The following UBE3D variants were observed in gnomAD, a reference collection of about 807,000 sequenced individuals.
UBE3D encodes the protein E3 ubiquitin-protein ligase E3D.
Under a neutral mutation model 49.6 loss-of-function variants are expected in UBE3D, and 48 were observed. The ratio of observed to expected loss-of-function variants is 0.97; its 90% CI spans 0.77 to 1.23. The LOEUF is 1.23. Among genes scored for constraint, UBE3D ranks in the 50% most tolerant of loss-of-function variants. The pLI is 0.00. For synonymous variants in UBE3D, 189 were observed against 174.2 expected (o/e 1.08, Z -0.67); for missense variants, 452 against 468.4 (o/e 0.96, Z 0.32).
intron 8 of UBE3D, among the ~76,000 whole-genome samples, chr6:82,979,002 T>C (rs1156698794): frequency 6.6e-6 from 1 of 152,078 alleles, no homozygotes; most frequent in Non-Finnish European, 1.5e-5. Flanking sequence ...ACATACATAG[T>C]GGGTAATGTT....
At chr6:83,025,882 TAAAAAAAA>T (rs70987730) in intron 5 of UBE3D, among the ~76,000 whole-genome samples, 20 of 90,320 alleles carry the variant, frequency 2.2e-4, no homozygotes, top group Non-Finnish European at 2.7e-4. Flanking sequence ...GACTCCATCT[TAAAAAAAA>T]AAAAAAAAAA....
intron 9 of UBE3D, among the ~76,000 whole-genome samples, chr6:82,894,565 C>A (rs1771173549): frequency 6.6e-6 from 1 of 152,138 alleles, no homozygotes; most frequent in Admixed American, 6.5e-5. Flanking sequence ...ATAAAACCTG[C>A]ATTTCTGTAG....
intron 8 of UBE3D, among the ~76,000 whole-genome samples, chr6:82,985,620 A>T (rs1582551973): frequency 2.6e-5 from 4 of 152,114 alleles, no homozygotes; most frequent in Admixed American, 2.6e-4. Context: ...CCTCGGCCTC[A>T]CAAAGTGCTG....
At chr6:82,966,904 T>G (rs146695347) in intron 8 of UBE3D, among the ~76,000 whole-genome samples, 2 of 152,308 alleles carry the variant, frequency 1.3e-5, no homozygotes, top group African/African-American at 4.8e-5. Flanking sequence ...ATATTATGGT[T>G]GCTATTGTAA....
At chr6:83,043,010 CT>C (rs1259794673) in intron 4 of UBE3D, among the ~76,000 whole-genome samples, 1 of 152,202 alleles carries the variant, frequency 6.6e-6, no homozygotes, top group Non-Finnish European at 1.5e-5. Context: ...AGCATCTTGT[CT>C]TGATAGTACA....
intron 5 of UBE3D, chr6:83,032,141 A>C (rs1781921076): frequency 2.2e-6 from 1 of 454,258 alleles, no homozygotes; most frequent in Non-Finnish European, 4.4e-6. Flanking sequence ...ACAATCCTCC[A>C]GACCCCAGAA....
intron 9 of UBE3D, among the ~76,000 whole-genome samples, chr6:82,933,892 T>C (rs2770678): frequency 1.3e-5 from 2 of 151,730 alleles, no homozygotes; most frequent in African/African-American, 4.8e-5. Flanking sequence ...TAAAGCCACG[T>C]GAGTGCCTAG....
chr6:83,016,940 G>A (rs1780740154), intron 8 of UBE3D, among the ~76,000 whole-genome samples: 1 of 152,116 alleles, frequency 6.6e-6, no homozygotes, highest in South Asian at 2.1e-4. Flanking sequence ...CAGCCATGCT[G>A]GCAGCTGATT....
intron 9 of UBE3D, among the ~76,000 whole-genome samples, chr6:82,950,773 T>C (rs1482467540): frequency 1.3e-5 from 2 of 152,154 alleles, no homozygotes; most frequent in Admixed American, 6.5e-5. Context: ...TTGTCAGCCA[T>C]AAAACTCAAT....
chr6:82,936,957 A>C (rs1393219003), intron 9 of UBE3D, among the ~76,000 whole-genome samples: 1 of 152,246 alleles, frequency 6.6e-6, no homozygotes, highest in Non-Finnish European at 1.5e-5. Context: ...ACTTAGGTCC[A>C]GTCACGCTGG....
rs138331760 is a variant in UBE3D, at chr6:82,961,272, G to A, written c.1011-3822C>T. Among the ~76,000 whole-genome samples the A allele has an allele frequency of 3.3e-5, 5 of 152,214 alleles. No individual in the cohort carries two copies. The East Asian group carries it at 7.7e-4, about 23-fold the overall frequency. On this transcript the variant is annotated intron_variant, in intron 8 of 9. Transcript: ENST00000369747. ...AGTTAATTATGGCTATAACATGGTC[G>A]CCTTTAATTTTTACAAAATTACTTC...
At chr6:82,931,047 G>T (rs890493374) in intron 9 of UBE3D, among the ~76,000 whole-genome samples, 1 of 152,166 alleles carries the variant, frequency 6.6e-6, no homozygotes, top group Non-Finnish European at 1.5e-5. Flanking sequence ...CTAGGGATTT[G>T]GTGCCCCGCA....
rs1030399094 is a variant in UBE3D at position 83,065,299 on chromosome 6, G to A, written c.77+343C>T. ...TTTTTTGCATTGTTTTGTTGGAAAC[G>A]CCGGGCACTGCCAACAGTGTTTTAC... On this transcript the variant is annotated intron_variant, in intron 1 of 9. Coordinates refer to ENST00000369747, the MANE Select transcript of UBE3D (RefSeq NM_198920.3). Among the ~76,000 whole-genome samples the A allele has an allele frequency of 2.0e-5, 3 of 152,328 alleles. No individual in the cohort carries two copies. The East Asian group carries it at 5.8e-4, about 29-fold the overall frequency.
chr6:83,039,395 T>G (rs890414929), intron 4 of UBE3D, among the ~76,000 whole-genome samples: 1 of 152,240 alleles, frequency 6.6e-6, no homozygotes. Flanking sequence ...TTAATATACA[T>G]TTAAGTATTT....
At chr6:82,885,899 A>G in the UBE3D span, among the ~76,000 whole-genome samples, 1 of 152,080 alleles carries the variant, frequency 6.6e-6, no homozygotes, top group South Asian at 2.1e-4. Context: ...AATCTTAATA[A>G]TCACTTAAGG....
intron 9 of UBE3D, among the ~76,000 whole-genome samples, chr6:82,898,687 G>A (rs529695575): frequency 2.4e-4 from 36 of 152,120 alleles, no homozygotes; most frequent in Admixed American, 1.4e-3. Context: ...GGGGGTAGGG[G>A]GCTAGGGGAG....
At chr6:82,901,945 TA>T (rs1771766834) in intron 9 of UBE3D, among the ~76,000 whole-genome samples, 1 of 152,194 alleles carries the variant, frequency 6.6e-6, no homozygotes, top group African/African-American at 2.4e-5. Context: ...TGTTAAAAGT[TA>T]AGTGAATGAA....
At chr6:82,951,949 G>A (rs1355759249) in intron 9 of UBE3D, among the ~76,000 whole-genome samples, 2 of 152,124 alleles carry the variant, frequency 1.3e-5, no homozygotes, top group African/African-American at 4.8e-5. Flanking sequence ...ATAGAACAGT[G>A]TCTCCCCATT....
chr6:82,980,449 T>C (rs1225354156), intron 8 of UBE3D, among the ~76,000 whole-genome samples: 3 of 152,090 alleles, frequency 2.0e-5, no homozygotes, highest in Admixed American at 6.6e-5. Flanking sequence ...TTTTGTTGCA[T>C]TGAGTTTCTT....
Sources: allele counts gnomAD v4.1 joint callset (sites outside exome capture counted in the v4.1 genomes callset), GRCh38; gene constraint gnomAD v4.1.1; transcripts MANE v1.5; gene names NCBI Gene and HGNC (gene_info 2026-07-23, HGNC 2026-07-21).